Variants in RTL4 observed in about 807,000 individuals in gnomAD.
RTL4 encodes the protein retrotransposon Gag like 4, also known as retrotransposon Gag-like protein 4.
In RTL4, 4 loss-of-function variants were observed where a neutral mutation model predicts 5.3. That is an observed-to-expected ratio of 0.75 (90% CI 0.37 to 1.72). The LOEUF is 1.72. Ranked by LOEUF, RTL4 falls within the 40% of genes most tolerant of loss-of-function variation. RTL4 has a pLI of 0.04. For missense variants in RTL4, 260 were observed against 227.1 expected (o/e 1.14, Z -0.93); for synonymous variants, 98 against 87.3 (o/e 1.12, Z -0.68).
At chrX:112,455,530 C>T (rs1389439731) in exon 1 of RTL4, 1 of 1,211,626 alleles carries the variant, frequency 8.3e-7, no homozygotes, top group Non-Finnish European at 1.1e-6. Flanking sequence ...GCCTCTCACC[C>T]CAGCCAAACG....
At chrX:112,263,457 T>TCTC in the RTL4 span, among the ~76,000 whole-genome samples, 1 of 111,277 alleles carries the variant, frequency 9.0e-6, no homozygotes, top group Non-Finnish European at 1.9e-5. Flanking sequence ...GAGAGCAATG[T>TCTC]CTCCTTATTT....
the RTL4 span, among the ~76,000 whole-genome samples, chrX:112,371,126 G>T: frequency 9.0e-6 from 1 of 111,176 alleles, no homozygotes; most frequent in African/African-American, 3.3e-5. Flanking sequence ...AGCCTGGGAT[G>T]TATGTACCTT....
chrX:112,161,826 TTCCTTCCTTCCTTCCTTC>T, the RTL4 span, among the ~76,000 whole-genome samples: 318 of 44,385 alleles, frequency 7.2e-3, 3 homozygotes, highest in African/African-American at 0.022. Flanking sequence ...CCTTCCTTCC[TTCCTTCCTTCCTTCCTTC>T]CTTTCTTTCT....
At chrX:112,177,525 G>A in the RTL4 span, among the ~76,000 whole-genome samples, 2 of 97,804 alleles carry the variant, frequency 2.0e-5, no homozygotes, top group Non-Finnish European at 4.2e-5. Context: ...AGATTATTTG[G>A]GATTTTTTTT....
the RTL4 span, among the ~76,000 whole-genome samples, chrX:112,248,037 C>T: frequency 1.8e-5 from 2 of 112,281 alleles, no homozygotes; most frequent in African/African-American, 6.5e-5. Context: ...GGCCTCAAAC[C>T]TTTGAGTTTT....
the RTL4 span, among the ~76,000 whole-genome samples, chrX:112,280,851 ATTAT>A: frequency 6.3e-5 from 7 of 111,034 alleles, no homozygotes; most frequent in African/African-American, 1.6e-4. Flanking sequence ...ATTTTTATTT[ATTAT>A]TTATTTATTT....
the RTL4 span, among the ~76,000 whole-genome samples, chrX:112,356,176 G>T: frequency 5.4e-5 from 6 of 111,366 alleles, no homozygotes; most frequent in East Asian, 8.6e-4. Flanking sequence ...ATAAACACTT[G>T]TGGGGGAGAT....
chrX:112,347,432 A>C, the RTL4 span, among the ~76,000 whole-genome samples: 5 of 111,566 alleles, frequency 4.5e-5, no homozygotes, highest in Non-Finnish European at 9.4e-5. Context: ...TGGTCTGACT[A>C]GGTGGGGATA....
chrX:112,407,062 A>T, the RTL4 span, among the ~76,000 whole-genome samples: 1 of 109,252 alleles, frequency 9.2e-6, no homozygotes, highest in African/African-American at 3.3e-5. Flanking sequence ...TTCAGATGAG[A>T]CTCTGCACAT....
the RTL4 span, among the ~76,000 whole-genome samples, chrX:112,359,135 A>G: frequency 1.8e-5 from 2 of 111,497 alleles, no homozygotes; most frequent in Admixed American, 9.5e-5. Flanking sequence ...AAAATCTAGG[A>G]CCATACATTA....
chrX:112,300,126 C>A, the RTL4 span, among the ~76,000 whole-genome samples: 2 of 111,455 alleles, frequency 1.8e-5, no homozygotes, highest in African/African-American at 6.5e-5. Flanking sequence ...CTCTATCTAT[C>A]CATCTAATAT....
the RTL4 span, among the ~76,000 whole-genome samples, chrX:112,295,904 AG>A: frequency 8.9e-6 from 1 of 112,668 alleles, no homozygotes; most frequent in South Asian, 3.6e-4. Context: ...TTCCAAAGTC[AG>A]GTAAGTGACA....
the RTL4 span, among the ~76,000 whole-genome samples, chrX:112,257,873 GTA>G: frequency 9.4e-3 from 963 of 102,536 alleles, 11 homozygotes; most frequent in African/African-American, 0.032. Context: ...TCAAAACTGT[GTA>G]TATATATATA....
chrX:112,431,161 C>A, the RTL4 span, among the ~76,000 whole-genome samples: 1 of 110,358 alleles, frequency 9.1e-6, no homozygotes, highest in East Asian at 2.8e-4. Context: ...TTTCCCTTCT[C>A]CTACATGGTA....
chrX:112,093,585 C>T, the RTL4 span, among the ~76,000 whole-genome samples: 1 of 111,756 alleles, frequency 8.9e-6, no homozygotes, highest in East Asian at 2.8e-4. Flanking sequence ...GTGGATATAG[C>T]TGTTATTGGT....
chrX:112,309,853 TACACAC>T, the RTL4 span, among the ~76,000 whole-genome samples: 1 of 102,972 alleles, frequency 9.7e-6, no homozygotes, highest in African/African-American at 3.8e-5. Flanking sequence ...TACACATATA[TACACAC>T]ACATATATAC....
At chrX:112,155,009 T>G in the RTL4 span, among the ~76,000 whole-genome samples, 31 of 111,137 alleles carry the variant, frequency 2.8e-4, no homozygotes, top group Non-Finnish European at 1.9e-4. Context: ...GGACATAACA[T>G]TCATTCATTT....
chrX:112,422,922 C>T, the RTL4 span, among the ~76,000 whole-genome samples: 1 of 111,184 alleles, frequency 9.0e-6, no homozygotes, highest in Non-Finnish European at 1.9e-5. Flanking sequence ...CCTCAACTAC[C>T]AAGTGGCTTG....
chrX:112,108,509 T>C, the RTL4 span, among the ~76,000 whole-genome samples: 1 of 111,584 alleles, frequency 9.0e-6, no homozygotes, highest in African/African-American at 3.3e-5. Context: ...GTGTGGTCCA[T>C]GGAAAGGCTT....
Sources: allele counts gnomAD v4.1 joint callset (sites outside exome capture counted in the v4.1 genomes callset), GRCh38; gene constraint gnomAD v4.1.1; transcripts MANE v1.5; gene names NCBI Gene and HGNC (gene_info 2026-07-23, HGNC 2026-07-21).